The following ANKRD17 variants were observed in gnomAD, a reference collection of about 807,000 sequenced individuals.
ANKRD17 encodes the protein ankyrin repeat domain-containing protein 17.
ANKRD17 carries 19 observed loss-of-function variants against 229.7 expected under a neutral mutation model. The ratio of observed to expected loss-of-function variants is 0.08; its 90% CI spans 0.06 to 0.12. The LOEUF (loss-of-function observed/expected upper bound fraction) is 0.12. Among genes scored for constraint, ANKRD17 ranks in the 10% least tolerant of loss-of-function variants. The pLI, the probability that ANKRD17 is intolerant of heterozygous loss-of-function variation, is 1.00. For synonymous variants in ANKRD17, 1,112 were observed against 1,146.1 expected (o/e 0.97, Z 0.60); for missense variants, 2,176 against 3,176.8 (o/e 0.68, Z 7.57).
intron 1 of ANKRD17, among the ~76,000 whole-genome samples, chr4:73,235,123 T>TTCTCCC (rs974773524): frequency 6.6e-6 from 1 of 152,200 alleles, no homozygotes; most frequent in African/African-American, 2.4e-5. Flanking sequence ...TCAACATGTT[T>TTCTCCC]TCTCCCTGAC....
chr4:73,161,853 T>A (rs924168054), intron 2 of ANKRD17, among the ~76,000 whole-genome samples: 1 of 152,030 alleles, frequency 6.6e-6, no homozygotes, highest in Non-Finnish European at 1.5e-5. Context: ...ATTTGGGAAA[T>A]GTCTACATTT....
At position 73,258,310 on chromosome 4, in the gene ANKRD17, T is replaced by C; in HGVS notation, c.359A>G (p.Glu120Gly). 1.2e-6 allele frequency: 2 copies of C among 1,613,788 alleles called. No individual in the cohort carries two copies. The highest frequency in any genetic ancestry group is 1.7e-6 in the Non-Finnish European group (2 of 1,179,994). Reference sequence around the variant, plus strand: ...CTCCTCTTCCTCGTCGTCGTCGTCCTCTTCTTCCTCGCTGTTGTTACTGCT... The same window carrying C: ...CTCCTCTTCCTCGTCGTCGTCGTCCCCTTCTTCCTCGCTGTTGTTACTGCT... ...GTSSNNSEEE[E>G]DDDDEEEEVS... The change falls in exon 1 of 34, where the codon GAG (glutamate) becomes GGG (glycine). Residue 120 changes from glutamate to glycine, a missense_variant. Glu to Gly is a moderately conservative substitution (Grantham distance 98, BLOSUM62 -2). Transcript: ENST00000358602.
intron 24 of ANKRD17, among the ~76,000 whole-genome samples, chr4:73,105,554 T>C (rs1277244067): frequency 6.6e-6 from 1 of 151,854 alleles, no homozygotes; most frequent in African/African-American, 2.4e-5. Flanking sequence ...GTGGTGGGCA[T>C]CAATAAGAAC....
rs577079127 is a variant in ANKRD17, at chr4:73,190,665, CT to C, written c.394-13133del. Among the ~76,000 whole-genome samples the C allele has an allele frequency of 2.0e-4, 30 of 151,646 alleles. 1 individual carries two copies. Among genetic ancestry groups the C allele is most frequent in the Admixed American group, 2.0e-3 (30 of 15,242 alleles). Reference sequence around the variant, plus strand: ...ATTTGCAGAAAATACAGCCATCCTTCTAGAAACTTCAAGAGAAGCAACTGAA... The same window carrying C: ...ATTTGCAGAAAATACAGCCATCCTTCAGAAACTTCAAGAGAAGCAACTGAA... On this transcript the variant is annotated intron_variant, in intron 1 of 33. Coordinates refer to ENST00000358602, the MANE Select transcript of ANKRD17 (RefSeq NM_032217.5).
intron 16 of ANKRD17, among the ~76,000 whole-genome samples, chr4:73,129,251 TA>T (rs1365847126): frequency 1.3e-5 from 2 of 152,124 alleles, no homozygotes; most frequent in East Asian, 3.9e-4. Flanking sequence ...TAAAAAATGA[TA>T]AAAAATATAT....
At position 73,076,216 on chromosome 4, in the gene ANKRD17, AC is replaced by A; in HGVS notation, c.*14del. ...CAAATGAAAAGGAATCTGCAGGCTA[AC>A]AAGCTGATCCTCATCAGCCAAGCTG... On this transcript the variant is annotated 3_prime_UTR_variant, in exon 34 of 34. Transcript: ENST00000358602. The A allele has an allele frequency of 6.2e-7, 1 of 1,601,672 alleles. No individual in the cohort carries two copies. Among genetic ancestry groups the A allele is most frequent in the Non-Finnish European group, 8.5e-7 (1 of 1,175,620 alleles).
intron 2 of ANKRD17, among the ~76,000 whole-genome samples, chr4:73,168,162 A>T (rs923781433): frequency 6.8e-5 from 10 of 146,232 alleles, no homozygotes; most frequent in Admixed American, 2.0e-4. Flanking sequence ...AAAAAAAATT[A>T]AAAAAAAAAA....
intron 2 of ANKRD17, among the ~76,000 whole-genome samples, chr4:73,169,406 A>T (rs1004305391): frequency 6.6e-6 from 1 of 152,100 alleles, no homozygotes; most frequent in Admixed American, 6.5e-5. Context: ...TTTTGACCTC[A>T]GTCCCTGGCT....
intron 22 of ANKRD17, among the ~76,000 whole-genome samples, chr4:73,117,083 C>A (rs1336889937): frequency 2.0e-5 from 3 of 151,972 alleles, no homozygotes; most frequent in Non-Finnish European, 4.4e-5. Flanking sequence ...ATGTATTTCT[C>A]CAAATGAATG....
chr4:73,144,830 T>A lies in ANKRD17; in HGVS notation c.1872A>T (p.Glu624Asp). 6.3e-7 allele frequency: 1 copy of A among 1,582,240 alleles called. No individual in the cohort carries two copies. The highest frequency in any genetic ancestry group is 1.2e-5 in the South Asian group (1 of 84,600). ...DVLLQAGADL[E>D]HESEGGRTPL... ...GAGTTCTTCCACCTTCAGATTCATG[T>A]TCCTGTTTAAAAAAAAAAAAAAAGA... is the stretch of plus-strand genomic sequence containing the variant. Residue 624 changes from glutamate to aspartate, a missense_variant and splice_region_variant, in exon 11 of 34, where the codon GAA becomes GAT. Coordinates refer to ENST00000358602, the MANE Select transcript of ANKRD17 (RefSeq NM_032217.5).
At chr4:73,125,352 TAA>T in intron 16 of ANKRD17, 40 bp from the exon 17 acceptor site, 1 of 1,345,530 alleles carries the variant, frequency 7.4e-7, no homozygotes, top group Non-Finnish European at 1.1e-6. Context: ...TTAAATAACT[TAA>T]GATGTTAATA....
intron 10 of ANKRD17, 38 bp from the exon 11 acceptor site, chr4:73,144,870 G>A (rs761909413): frequency 2.9e-6 from 4 of 1,378,824 alleles, no homozygotes; most frequent in Admixed American, 2.2e-5. Context: ...ACATTTAATT[G>A]CCAGTGAACA....
In ANKRD17 at chr4:73,190,368, CAATA is replaced by C. The variant is rs925583732; in HGVS notation, c.394-12839_394-12836del. On this transcript the variant is annotated intron_variant, in intron 1 of 33. Transcript: ENST00000358602. Reference sequence around the variant, plus strand: ...TGGGTGATGGGATGAGATTCCGTCTCAATAAATAAATAAATAAATATTCTACTAG... The same window carrying C: ...TGGGTGATGGGATGAGATTCCGTCTCAATAAATAAATAAATATTCTACTAG... 9.9e-5 allele frequency among the ~76,000 whole-genome samples: 15 copies of C among 151,804 alleles called. 1 individual carries two copies. The highest frequency in any genetic ancestry group is 3.6e-4 in the African/African-American group (15 of 41,388).
At chr4:73,137,652 A>G (rs775868160) in intron 15 of ANKRD17, among the ~76,000 whole-genome samples, 12 of 152,126 alleles carry the variant, frequency 7.9e-5, no homozygotes, top group Non-Finnish European at 1.3e-4. Context: ...GTTGCAGGTA[A>G]GTAGCCAAAT....
At chr4:73,218,441 G>C (rs1741389521) in intron 1 of ANKRD17, among the ~76,000 whole-genome samples, 1 of 152,006 alleles carries the variant, frequency 6.6e-6, no homozygotes, top group Admixed American at 6.6e-5. Context: ...TCAGGAGTTA[G>C]TGACCAGCCT....
chr4:73,234,571 G>A (rs1016907001), intron 1 of ANKRD17, among the ~76,000 whole-genome samples: 2 of 152,166 alleles, frequency 1.3e-5, no homozygotes, highest in African/African-American at 4.8e-5. Context: ...CCTTTAAATG[G>A]AAGAACAGTA....
At chr4:73,155,904 A>G in intron 4 of ANKRD17, 115 bp downstream of exon 4, 1 of 1,484,180 alleles carries the variant, frequency 6.7e-7, no homozygotes. Context: ...TTTATCTAAC[A>G]AAACTATTTG....
intron 1 of ANKRD17, among the ~76,000 whole-genome samples, chr4:73,199,908 C>T (rs577520991): frequency 1.1e-3 from 174 of 152,230 alleles, no homozygotes; most frequent in African/African-American, 4.0e-3. Flanking sequence ...TAAAAGTGCT[C>T]TTATTCTAAC....
intron 1 of ANKRD17, among the ~76,000 whole-genome samples, chr4:73,190,606 C>G (rs553273125): frequency 4.2e-5 from 6 of 142,014 alleles, no homozygotes; most frequent in Non-Finnish European, 6.2e-5. Context: ...TAAACACATA[C>G]AGAAAAAGGA....
Sources: allele counts gnomAD v4.1 joint callset (sites outside exome capture counted in the v4.1 genomes callset), GRCh38; gene constraint gnomAD v4.1.1; transcripts MANE v1.5; gene names NCBI Gene and HGNC (gene_info 2026-07-23, HGNC 2026-07-21).